C12orf54: variants seen among roughly 807,000 people sequenced by gnomAD.
C12orf54 encodes the protein chromosome 12 open reading frame 54.
Under a neutral mutation model 26.4 loss-of-function variants are expected in C12orf54, and 24 were observed. That is an observed-to-expected ratio of 0.91 (90% confidence interval 0.66 to 1.28). The LOEUF (loss-of-function observed/expected upper bound fraction) is 1.28, where lower values mean the gene tolerates loss of function less well. Ranked by LOEUF, C12orf54 falls within the 50% of genes most tolerant of loss-of-function variation. The probability of loss-of-function intolerance (pLI) is 0.00; values close to 1 mark genes in which losing one functional copy is unlikely to be tolerated. For synonymous variants in C12orf54, 54 were observed against 47.0 expected, an observed-to-expected ratio of 1.15 and a Z score of -0.61; for missense variants, 154 against 150.9, an observed-to-expected ratio of 1.02 and a Z score of -0.11.
the C12orf54 span, among the ~76,000 whole-genome samples, chr12:48,456,779 T>C: frequency 7.4e-6 from 1 of 135,366 alleles, no homozygotes; most frequent in Non-Finnish European, 1.5e-5. Context: ...AAAACTGAAC[T>C]ATCTGTTAAT....
chr12:48,478,605 C>T (rs1198461791), upstream of C12orf54, among the ~76,000 whole-genome samples: 2 of 152,098 alleles, frequency 1.3e-5, no homozygotes, highest in African/African-American at 4.8e-5. Flanking sequence ...ACACCAATAA[C>T]AGACAAACAG....
the C12orf54 span, among the ~76,000 whole-genome samples, chr12:48,424,796 C>T: frequency 7.2e-5 from 11 of 152,192 alleles, no homozygotes; most frequent in Middle Eastern, 3.4e-3. Context: ...AACATCACTA[C>T]GCTAAGGCAA....
chr12:48,489,381 T>C (rs951181715), intron 5 of C12orf54: 1 of 302,816 alleles, frequency 3.3e-6, no homozygotes, highest in African/African-American at 2.2e-5. Context: ...CCTCTTCCTC[T>C]GCTCTCCTCG....
chr12:48,434,882 T>A, the C12orf54 span, among the ~76,000 whole-genome samples: 2 of 152,052 alleles, frequency 1.3e-5, no homozygotes, highest in African/African-American at 4.8e-5. Flanking sequence ...ACGCAGCTCC[T>A]CACCAGCAAT....
At chr12:48,461,890 A>G in the C12orf54 span, among the ~76,000 whole-genome samples, 3 of 151,716 alleles carry the variant, frequency 2.0e-5, no homozygotes, top group African/African-American at 4.8e-5. Context: ...AAAAATTATA[A>G]TGGATATCAT....
the C12orf54 span, among the ~76,000 whole-genome samples, chr12:48,471,168 G>C: frequency 2.2e-4 from 33 of 150,892 alleles, no homozygotes; most frequent in African/African-American, 7.8e-4. Flanking sequence ...TTGATTTTTA[G>C]ATCCCACAAA....
the C12orf54 span, among the ~76,000 whole-genome samples, chr12:48,459,947 T>A: frequency 6.6e-5 from 10 of 152,074 alleles, no homozygotes; most frequent in Non-Finnish European, 1.5e-4. Context: ...TGACCTCAGT[T>A]ACTCAGACTC....
chr12:48,413,536 G>C, the C12orf54 span, among the ~76,000 whole-genome samples: 1 of 152,152 alleles, frequency 6.6e-6, no homozygotes, highest in Non-Finnish European at 1.5e-5. Flanking sequence ...TTTGAAGAGT[G>C]TCTTGAAGTG....
chr12:48,477,871 A>G (rs113211998), upstream of C12orf54, among the ~76,000 whole-genome samples: 22,476 of 152,168 alleles, frequency 0.15, 2,885 homozygotes, highest in East Asian at 0.66. Flanking sequence ...AATAGAAAAA[A>G]AGGGAATCCT....
the C12orf54 span, chr12:48,473,057 C>T: frequency 2.5e-6 from 4 of 1,614,082 alleles, no homozygotes; most frequent in East Asian, 6.7e-5. Context: ...TGAACAACTA[C>T]TGAGAAAAGA....
the C12orf54 span, among the ~76,000 whole-genome samples, chr12:48,474,934 C>G: frequency 7.2e-5 from 11 of 152,344 alleles, no homozygotes; most frequent in African/African-American, 2.6e-4. Flanking sequence ...AATCTGAGAA[C>G]AGGCAGACTG....
At chr12:48,438,971 C>A in the C12orf54 span, among the ~76,000 whole-genome samples, 2 of 152,028 alleles carry the variant, frequency 1.3e-5, no homozygotes, top group African/African-American at 4.8e-5. Context: ...AACAGGCAAC[C>A]TACAGAATGG....
At chr12:48,490,638 G>C (rs150229395) in intron 5 of C12orf54, among the ~76,000 whole-genome samples, 174 bp from the exon 6 acceptor site, 1 of 152,124 alleles carries the variant, frequency 6.6e-6, no homozygotes, top group Non-Finnish European at 1.5e-5. Context: ...GAATGTCAGA[G>C]CAAGACTCCA....
At chr12:48,469,367 C>T in the C12orf54 span, among the ~76,000 whole-genome samples, 71 of 152,268 alleles carry the variant, frequency 4.7e-4, 1 homozygote, top group Admixed American at 4.3e-3. Flanking sequence ...AAGAATTCCG[C>T]GATATTTCCT....
rs1937910894 is a variant in C12orf54 at position 48,496,269 on chromosome 12, A to G, written c.*129A>G. 1.3e-5 allele frequency: 2 copies of G among 152,678 alleles called. No homozygotes were observed. Among genetic ancestry groups the G allele is most frequent in the South Asian group, 4.1e-4 (2 of 4,836 alleles). The allele number at this position is 152,678 out of a possible 1,614,324, so 9.5% of individuals were successfully genotyped here. ...CCCATGAGTGGAGATGCCAGGGTCT[A>G]TGGCTGAAACTGGGAACTTGGAAAT... On this transcript the variant is annotated 3_prime_UTR_variant, in exon 9 of 9. Transcript: ENST00000548364.
the C12orf54 span, among the ~76,000 whole-genome samples, chr12:48,431,853 T>G: frequency 6.6e-6 from 1 of 152,148 alleles, no homozygotes; most frequent in Non-Finnish European, 1.5e-5. Context: ...GGTGTGAGAT[T>G]TCTTTGGGGA....
chr12:48,422,209 T>A, the C12orf54 span, among the ~76,000 whole-genome samples: 1 of 152,146 alleles, frequency 6.6e-6, no homozygotes, highest in African/African-American at 2.4e-5. Context: ...GAAAAAAAAA[T>A]ACTGATAACA....
chr12:48,444,706 G>A, the C12orf54 span, among the ~76,000 whole-genome samples: 1 of 152,050 alleles, frequency 6.6e-6, no homozygotes, highest in Non-Finnish European at 1.5e-5. Context: ...ATTTAGAATG[G>A]AAACAGCTCT....
the C12orf54 span, among the ~76,000 whole-genome samples, chr12:48,471,672 A>G: frequency 6.6e-6 from 1 of 152,122 alleles, no homozygotes; most frequent in African/African-American, 2.4e-5. Context: ...GCTTTATTTC[A>G]GAAGTTTCTA....
Sources: allele counts gnomAD v4.1 joint callset (sites outside exome capture counted in the v4.1 genomes callset), GRCh38; gene constraint gnomAD v4.1.1; transcripts MANE v1.5; gene names NCBI Gene and HGNC (gene_info 2026-07-23, HGNC 2026-07-21).